Variants in BARD1 observed in about 807,000 individuals in gnomAD.
BARD1 encodes BRCA1 associated RING domain 1.
BARD1 carries 73 observed loss-of-function variants against 77.0 expected under a neutral mutation model. The observed-to-expected ratio is 0.95, with a 90% CI of 0.79 to 1.15. The LOEUF (loss-of-function observed/expected upper bound fraction) is 1.15. BARD1 is among the 50% of genes most tolerant of loss of function. BARD1 has a pLI of 0.00. For synonymous variants in BARD1, 384 were observed against 338.0 expected (o/e 1.14, Z -1.49); for missense variants, 993 against 938.8 (o/e 1.06, Z -0.75).
intron 9 of BARD1, among the ~76,000 whole-genome samples, chr2:214,734,480 T>C (rs1010420776): frequency 1.3e-5 from 2 of 152,150 alleles, no homozygotes; most frequent in Admixed American, 1.3e-4. Context: ...AACTCTCTTC[T>C]TATAAATTAA....
Position 214,728,555 on chromosome 2 carries a change from T to TTG in BARD1, c.*120_*121insCA. On this transcript the variant is annotated 3_prime_UTR_variant, in exon 11 of 11. Coordinates refer to ENST00000260947, the MANE Select transcript of BARD1 (RefSeq NM_000465.4). Reference sequence around the variant, plus strand: ...CATTAGACTTTTTTTTTTTTTTTGATTCAAAGACAAATATGAATGACTCTA... The same window carrying TTG: ...CATTAGACTTTTTTTTTTTTTTTGATTGTCAAAGACAAATATGAATGACTCTA... 1 of 880,574 alleles carries TTG rather than the reference T, an allele frequency of 1.1e-6. No homozygotes were observed. The highest frequency in any genetic ancestry group is 1.7e-6 in the Non-Finnish European group (1 of 600,160). 54.5% of individuals were successfully genotyped at this position (880,574 alleles called of 1,614,324 possible).
chr2:214,769,219 A>C lies in BARD1; in HGVS notation c.1395+13T>G. 6.2e-7 allele frequency: 1 copy of C among 1,601,884 alleles called. No individual in the cohort carries two copies. On this transcript the variant is annotated intron_variant, in intron 5 of 10. Transcript: ENST00000260947. ...AAACACAGAAAGAATGAGAATAAAA[A>C]CCAGACAACTACCAATGGTGTCCAT...
chr2:214,797,904 T>C (rs1187933210), intron 1 of BARD1, among the ~76,000 whole-genome samples: 1 of 152,076 alleles, frequency 6.6e-6, no homozygotes, highest in African/African-American at 2.4e-5. Context: ...TCCATCAAAA[T>C]ACCTGCTACA....
At chr2:214,754,994 A>G (rs568818973) in intron 6 of BARD1, among the ~76,000 whole-genome samples, 4 of 152,144 alleles carry the variant, frequency 2.6e-5, no homozygotes, top group African/African-American at 4.8e-5. Flanking sequence ...CATGTGTAAG[A>G]TTTCTTATTA....
chr2:214,737,885 AT>A (rs1692636758), intron 9 of BARD1, among the ~76,000 whole-genome samples: 1 of 152,196 alleles, frequency 6.6e-6, no homozygotes, highest in Non-Finnish European at 1.5e-5. Flanking sequence ...TAAACAGTTA[AT>A]AAAGTCCATA....
intron 9 of BARD1, among the ~76,000 whole-genome samples, chr2:214,739,300 G>A (rs72942151): frequency 0.28 from 42,208 of 151,692 alleles, 6,368 homozygotes; most frequent in South Asian, 0.41. Context: ...GAAAACAAAT[G>A]TTCTACTACA....
At chr2:214,742,268 C>T (rs1159343644) in intron 9 of BARD1, among the ~76,000 whole-genome samples, 2 of 152,026 alleles carry the variant, frequency 1.3e-5, no homozygotes, top group African/African-American at 4.8e-5. Flanking sequence ...GATGTGCACC[C>T]GTAGTACCAG....
chr2:214,728,556 T>C lies in BARD1; in HGVS notation c.*120A>G. 1.1e-6 allele frequency: 1 copy of C among 900,552 alleles called. No individual in the cohort carries two copies. The highest frequency in any genetic ancestry group is 1.6e-6 in the Non-Finnish European group (1 of 613,196). 55.8% of individuals were successfully genotyped at this position (900,552 alleles called of 1,614,324 possible). On this transcript the variant is annotated 3_prime_UTR_variant, in exon 11 of 11. Transcript: ENST00000260947. ...ATTAGACTTTTTTTTTTTTTTTGAT[T>C]CAAAGACAAATATGAATGACTCTAC...
At chr2:214,783,121 G>A (rs1168463716) in intron 3 of BARD1, among the ~76,000 whole-genome samples, 1 of 152,136 alleles carries the variant, frequency 6.6e-6, no homozygotes, top group African/African-American at 2.4e-5. Context: ...CACTCCTGGA[G>A]AAGCAGAGTG....
chr2:214,794,181 G>A (rs1695655277), intron 2 of BARD1, among the ~76,000 whole-genome samples: 1 of 152,122 alleles, frequency 6.6e-6, no homozygotes, highest in Non-Finnish European at 1.5e-5. Flanking sequence ...AAGCCAAGAA[G>A]TTGAGGCTGT....
chr2:214,728,447 A>C lies in BARD1; in HGVS notation c.*229T>G. On this transcript the variant is annotated 3_prime_UTR_variant, in exon 11 of 11. Coordinates refer to ENST00000260947, the MANE Select transcript of BARD1 (RefSeq NM_000465.4). Reference sequence around the variant, plus strand: ...TGAATAGAAAGACATGATAAATCAAAAACATGCCAATTTTAAAAAGAAAAA... The same window carrying C: ...TGAATAGAAAGACATGATAAATCAACAACATGCCAATTTTAAAAAGAAAAA... The C allele has an allele frequency of 3.6e-6, 2 of 549,634 alleles. 1 individual carries two copies. Among genetic ancestry groups the C allele is most frequent in the Middle Eastern group, 1.0e-3 (2 of 1,998 alleles). 34.0% of individuals were successfully genotyped at this position (549,634 alleles called of 1,614,324 possible).
chr2:214,728,436 T>C lies in BARD1; in HGVS notation c.*240A>G. ...ACCCAATAATCTGAATAGAAAGACA[T>C]GATAAATCAAAAACATGCCAATTTT... On this transcript the variant is annotated 3_prime_UTR_variant, in exon 11 of 11. Coordinates refer to ENST00000260947, the MANE Select transcript of BARD1 (RefSeq NM_000465.4). The C allele has an allele frequency of 1.9e-6, 1 of 529,088 alleles. No homozygotes were observed. Among genetic ancestry groups the C allele is most frequent in the Non-Finnish European group, 3.4e-6 (1 of 296,984 alleles). 32.8% of individuals were successfully genotyped at this position (529,088 alleles called of 1,614,324 possible).
chr2:214,725,887 A>G lies in BARD1; in HGVS notation c.*2789T>C, dbSNP rs892994945. 4.5e-6 allele frequency: 1 copy of G among 224,472 alleles called. No homozygotes were observed. Among genetic ancestry groups the G allele is most frequent in the Non-Finnish European group, 8.9e-6 (1 of 112,706 alleles). The allele number at this position is 224,472 out of a possible 1,614,324, so 13.9% of individuals were successfully genotyped here. ...TGAACGTTTAGAATATGATTAATGC[A>G]TTTTCCACACTGACCCATGGAAACA... On this transcript the variant is annotated 3_prime_UTR_variant, in exon 11 of 11. Coordinates refer to ENST00000260947, the MANE Select transcript of BARD1 (RefSeq NM_000465.4).
chr2:214,764,285 G>A (rs570269490), intron 6 of BARD1, among the ~76,000 whole-genome samples: 1 of 152,254 alleles, frequency 6.6e-6, no homozygotes, highest in South Asian at 2.1e-4. Context: ...GAACTAGGGA[G>A]GGCAGACATG....
intron 9 of BARD1, among the ~76,000 whole-genome samples, chr2:214,732,514 G>A (rs1486955779): frequency 1.3e-5 from 2 of 151,624 alleles, no homozygotes; most frequent in Admixed American, 1.3e-4. Context: ...TCCTGCCTCA[G>A]CCTCCCAAGT....
chr2:214,751,145 ATATATATTTTTTTTTT>A (rs1693424042), intron 7 of BARD1, among the ~76,000 whole-genome samples: 1 of 21,366 alleles, frequency 4.7e-5, no homozygotes, highest in African/African-American at 1.3e-4. Context: ...ATATATATAT[ATATATATTTTTTTTTT>A]TTTTTTTTTT....
intron 5 of BARD1, 138 bp from the exon 6 acceptor site, chr2:214,767,792 A>G (rs375005116): frequency 1.1e-4 from 80 of 759,872 alleles, no homozygotes; most frequent in South Asian, 5.2e-4. Flanking sequence ...CAAAAACACT[A>G]TAAGTTGCTG....
intron 10 of BARD1, among the ~76,000 whole-genome samples, chr2:214,729,636 A>G (rs918285202): frequency 6.6e-6 from 1 of 152,232 alleles, no homozygotes; most frequent in Admixed American, 6.5e-5. Context: ...TAAAGAAAAA[A>G]ACAAACTATT....
intron 8 of BARD1, 105 bp downstream of exon 8, chr2:214,745,617 T>G: frequency 7.1e-7 from 1 of 1,413,058 alleles, no homozygotes; most frequent in South Asian, 1.2e-5. Flanking sequence ...TATACAGCCA[T>G]CTCCCAATGG....
Sources: allele counts gnomAD v4.1 joint callset (sites outside exome capture counted in the v4.1 genomes callset), GRCh38; gene constraint gnomAD v4.1.1; transcripts MANE v1.5; gene names NCBI Gene and HGNC (gene_info 2026-07-23, HGNC 2026-07-21).